ANKRD30BL: variants seen among roughly 807,000 people sequenced by gnomAD.
ANKRD30BL encodes putative ankyrin repeat domain-containing protein 30B-like.
Under a neutral mutation model 18.4 loss-of-function variants are expected in ANKRD30BL, and 20 were observed. The ratio of observed to expected loss-of-function variants is 1.09; its 90% CI spans 0.77 to 1.58. ANKRD30BL has a LOEUF of 1.58. ANKRD30BL is among the 40% of genes most tolerant of loss of function. ANKRD30BL has a pLI of 0.00. For synonymous variants in ANKRD30BL, 72 were observed against 100.9 expected (o/e 0.71, Z 1.72); for missense variants, 224 against 268.6 (o/e 0.83, Z 1.16).
intron 1 of ANKRD30BL, among the ~76,000 whole-genome samples, chr2:132,168,867 A>G (rs918363471): frequency 7.1e-6 from 1 of 139,864 alleles, no homozygotes; most frequent in Non-Finnish European, 1.6e-5. Flanking sequence ...TTATTTATCA[A>G]TCATACTTCA....
At chr2:132,239,528 C>T (rs184103795) in intron 1 of ANKRD30BL, among the ~76,000 whole-genome samples, 1 of 151,836 alleles carries the variant, frequency 6.6e-6, no homozygotes, top group East Asian at 1.9e-4. Flanking sequence ...GTACTCAACT[C>T]ACAGAGTTGA....
intron 1 of ANKRD30BL, among the ~76,000 whole-genome samples, chr2:132,228,783 T>C (rs920257978): frequency 3.1e-4 from 45 of 146,708 alleles, no homozygotes; most frequent in Admixed American, 1.1e-3. Context: ...ACATAAAATC[T>C]AGATAAAAGC....
chr2:132,197,424 T>A (rs182402892), intron 1 of ANKRD30BL, among the ~76,000 whole-genome samples: 1 of 152,190 alleles, frequency 6.6e-6, no homozygotes, highest in Non-Finnish European at 1.5e-5. Context: ...AAAAGTCTTA[T>A]CCATTTATGA....
intron 1 of ANKRD30BL, among the ~76,000 whole-genome samples, chr2:132,217,203 G>A (rs1293272432): frequency 6.6e-6 from 1 of 152,052 alleles, no homozygotes; most frequent in East Asian, 1.9e-4. Flanking sequence ...CACTCTTTTA[G>A]TAGAATCTGT....
intron 1 of ANKRD30BL, among the ~76,000 whole-genome samples, chr2:132,187,165 G>GTTTTTTTT (rs1553472036): frequency 8.2e-6 from 1 of 122,274 alleles, no homozygotes; most frequent in African/African-American, 3.3e-5. Flanking sequence ...ATCGTAGGAA[G>GTTTTTTTT]TTTTTTGTTT....
At chr2:132,157,593 C>T (rs866701359) in intron 1 of ANKRD30BL, among the ~76,000 whole-genome samples, 170 bp from the exon 2 acceptor site, 2 of 152,354 alleles carry the variant, frequency 1.3e-5, no homozygotes, top group Middle Eastern at 3.4e-3. Context: ...TTACTCACTA[C>T]ATTAATGAAA....
intron 1 of ANKRD30BL, among the ~76,000 whole-genome samples, chr2:132,255,104 G>A (rs1201338916): frequency 6.6e-6 from 1 of 151,012 alleles, no homozygotes; most frequent in East Asian, 2.0e-4. Context: ...GAATAACACC[G>A]CCACATCGCC....
chr2:132,161,395 C>T (rs370046016), intron 1 of ANKRD30BL, 93 bp downstream of exon 1: 4 of 1,233,950 alleles, frequency 3.2e-6, no homozygotes, highest in Admixed American at 2.2e-5. Flanking sequence ...CTGCTCCCCT[C>T]GTCCCCAGGA....
chr2:132,158,057 A>G (rs1340491087), intron 1 of ANKRD30BL, among the ~76,000 whole-genome samples: 5 of 152,158 alleles, frequency 3.3e-5, no homozygotes, highest in East Asian at 1.9e-4. Context: ...AATTTAAACA[A>G]TCTTGTATTG....
chr2:132,193,977 C>A (rs936159273), intron 1 of ANKRD30BL, among the ~76,000 whole-genome samples: 1 of 151,712 alleles, frequency 6.6e-6, no homozygotes, highest in Admixed American at 6.6e-5. Context: ...GATGAATACA[C>A]CCTGATTAGC....
chr2:132,161,850 C>G lies in ANKRD30BL; in HGVS notation c.-145G>C, dbSNP rs34528085. ...CAGTCGGGCCAAGCTTTTGGACACT[C>G]CAACCTCTCCCGGGAGAAAATGGCT... is the stretch of plus-strand genomic sequence containing the variant. On this transcript the variant is annotated 5_prime_UTR_variant, in exon 1 of 6. Coordinates refer to ENST00000409867, the MANE Select transcript of ANKRD30BL (RefSeq NM_001358416.1). 95,217 of 612,172 alleles carry G rather than the reference C, an allele frequency of 0.16. 8,239 individuals carry two copies. Among genetic ancestry groups the G allele is most frequent in the Admixed American group, 0.28 (9,555 of 33,886 alleles). 37.9% of individuals were successfully genotyped at this position (612,172 alleles called of 1,614,324 possible).
chr2:132,230,294 C>G (rs376014376), intron 1 of ANKRD30BL, among the ~76,000 whole-genome samples: 12 of 151,618 alleles, frequency 7.9e-5, no homozygotes, highest in Admixed American at 7.9e-4. Flanking sequence ...TCATTGGAAA[C>G]GGGAATATCT....
At chr2:132,200,988 C>T (rs1679086686) in intron 1 of ANKRD30BL, among the ~76,000 whole-genome samples, 1 of 152,024 alleles carries the variant, frequency 6.6e-6, no homozygotes, top group Non-Finnish European at 1.5e-5. Flanking sequence ...AGAAATGATG[C>T]CACATATCTA....
chr2:132,241,067 C>T (rs915127344), intron 1 of ANKRD30BL, among the ~76,000 whole-genome samples: 25 of 151,722 alleles, frequency 1.6e-4, no homozygotes, highest in African/African-American at 3.9e-4. Flanking sequence ...ATTCAACTCA[C>T]GGAGCTGAAC....
chr2:132,224,434 T>G (rs1356456695), intron 1 of ANKRD30BL, among the ~76,000 whole-genome samples: 7 of 152,098 alleles, frequency 4.6e-5, no homozygotes, highest in Non-Finnish European at 1.0e-4. Context: ...AAGTGGATAT[T>G]TGGACCGCTT....
At chr2:132,254,125 C>T (rs1028808396) in intron 1 of ANKRD30BL, among the ~76,000 whole-genome samples, 3 of 152,056 alleles carry the variant, frequency 2.0e-5, no homozygotes, top group Middle Eastern at 3.4e-3. Context: ...CACCAGGCTG[C>T]GAGCCATCCA....
chr2:132,154,974 T>C (rs1436131607), intron 3 of ANKRD30BL: 5 of 402,398 alleles, frequency 1.2e-5, no homozygotes, highest in African/African-American at 6.2e-5. Context: ...ACTCTAGTTA[T>C]CTCCAAAAAT....
chr2:132,175,078 G>A (rs2104943454), intron 1 of ANKRD30BL, among the ~76,000 whole-genome samples: 1 of 152,292 alleles, frequency 6.6e-6, no homozygotes, highest in Non-Finnish European at 1.5e-5. Context: ...TGGGATGAGA[G>A]ACTGAGAAAA....
rs183584577 is a variant in ANKRD30BL at position 132,181,866 on chromosome 2, C to G, written n.442-24720G>C. ...GTGGCTCACACCTGTAATTCCAACA[C>G]TTTGGGAGGCCAAGGCAGGCAGACC... On this transcript the variant is annotated intron_variant and non_coding_transcript_variant, in intron 1 of 4. Coordinates refer to the ANKRD30BL transcript ENST00000470729. Among the ~76,000 whole-genome samples the G allele has an allele frequency of 4.9e-4, 75 of 152,246 alleles. No individual in the cohort carries two copies. In the East Asian group the frequency reaches 0.013, roughly 27 times the overall value.
Sources: allele counts gnomAD v4.1 joint callset (sites outside exome capture counted in the v4.1 genomes callset), GRCh38; gene constraint gnomAD v4.1.1; transcripts MANE v1.5; gene names NCBI Gene and HGNC (gene_info 2026-07-23, HGNC 2026-07-21).